Variants in PLCL2 observed in about 807,000 individuals in gnomAD.
PLCL2 encodes the protein inactive phospholipase C-like protein 2.
A neutral mutation model predicts 79.6 loss-of-function variants in PLCL2; 4 were observed. The observed-to-expected ratio is 0.05, with a 90% CI of 0.02 to 0.11. The LOEUF is 0.11. Among genes scored for constraint, PLCL2 ranks in the 10% least tolerant of loss-of-function variants. The pLI is 1.00. For synonymous variants in PLCL2, 484 were observed against 457.7 expected (o/e 1.06, Z -0.73); for missense variants, 895 against 1,291.0 (o/e 0.69, Z 4.70).
At chr3:16,961,900 G>A (rs1383608775) in intron 1 of PLCL2, among the ~76,000 whole-genome samples, 1 of 152,160 alleles carries the variant, frequency 6.6e-6, no homozygotes, top group Non-Finnish European at 1.5e-5. Flanking sequence ...CCCAACAGAG[G>A]AGCAACACCA....
Position 17,010,968 on chromosome 3 carries a change from A to G in PLCL2, c.1622A>G (p.Asp541Gly). 1.2e-6 allele frequency: 2 copies of G among 1,614,084 alleles called. No individual in the cohort carries two copies. Among genetic ancestry groups the G allele is most frequent in the Non-Finnish European group, 1.7e-6 (2 of 1,179,986 alleles). ...MVQHMKKLLGDKLYTTSPNVE... is the reference protein window; with the variant it reads ...MVQHMKKLLGGKLYTTSPNVE... ...CAGCACATGAAGAAACTTTTAGGAG[A>G]CAAGCTCTATACAACATCACCCAAT... Residue 541 changes from aspartate (D) to glycine (G), a missense_variant, in exon 2 of 6, where the codon GAC becomes GGC. Asp to Gly is a moderately conservative substitution (Grantham distance 94, BLOSUM62 -1). Around this residue, in one of 6 missense-constraint regions of PLCL2, gnomAD observed 242 missense variants for 399.5 expected, o/e 0.61. Transcript: ENST00000615277. The surrounding 1 kb of genome is among the most constrained non-coding windows in gnomAD (Gnocchi z 5.8).
chr3:17,071,533 C>T (rs1358418921), intron 5 of PLCL2, among the ~76,000 whole-genome samples: 1 of 152,004 alleles, frequency 6.6e-6, no homozygotes, highest in Non-Finnish European at 1.5e-5. Context: ...CAAGATTCTC[C>T]CTCTGAGAAA....
At chr3:17,017,310 C>T (rs1484276428) in intron 3 of PLCL2, among the ~76,000 whole-genome samples, 1 of 152,040 alleles carries the variant, frequency 6.6e-6, no homozygotes, top group African/African-American at 2.4e-5. Flanking sequence ...GCTGTGCAGC[C>T]TTATACTGCC....
intron 1 of PLCL2, among the ~76,000 whole-genome samples, chr3:16,944,291 A>G (rs2063581113): frequency 6.6e-6 from 1 of 152,184 alleles, no homozygotes; most frequent in African/African-American, 2.4e-5. Context: ...TAGGATTTCC[A>G]CTTCTAACGT....
intron 4 of PLCL2, among the ~76,000 whole-genome samples, chr3:17,050,451 A>G (rs1413912507): frequency 6.6e-6 from 1 of 152,230 alleles, no homozygotes; most frequent in South Asian, 2.1e-4. Flanking sequence ...CTGTAGGAAA[A>G]AAAGTCTAAT....
intron 3 of PLCL2, 148 bp from the exon 4 acceptor site, chr3:17,042,726 C>A: frequency 1.6e-6 from 1 of 621,372 alleles, no homozygotes. Flanking sequence ...TTTTCACATG[C>A]ACATTTGAAG....
chr3:16,970,008 A>T (rs527534653), intron 1 of PLCL2, among the ~76,000 whole-genome samples: 100 of 150,018 alleles, frequency 6.7e-4, no homozygotes, highest in Admixed American at 1.3e-3. Flanking sequence ...ATGTAATTGT[A>T]TAGCTTTGAA....
chr3:16,923,255 T>C (rs1445266939), intron 1 of PLCL2, among the ~76,000 whole-genome samples: 1 of 152,126 alleles, frequency 6.6e-6, no homozygotes, highest in Non-Finnish European at 1.5e-5. Context: ...CCTGGTGATT[T>C]GAGAGTGGAG....
intron 4 of PLCL2, 113 bp downstream of exon 4, chr3:17,043,062 A>T (rs935152152): frequency 9.7e-6 from 7 of 720,646 alleles, no homozygotes; most frequent in Non-Finnish European, 1.7e-5. Flanking sequence ...TAAGAAAATT[A>T]TTTTTCTATG....
intron 5 of PLCL2, among the ~76,000 whole-genome samples, chr3:17,086,678 C>A (rs2065223273): frequency 6.6e-6 from 1 of 152,174 alleles, no homozygotes; most frequent in South Asian, 2.1e-4. Flanking sequence ...TTGCAAAGGA[C>A]ACACCTGATA....
intron 4 of PLCL2, among the ~76,000 whole-genome samples, chr3:17,056,770 C>T (rs1043121912): frequency 1.3e-5 from 2 of 152,078 alleles, no homozygotes; most frequent in African/African-American, 4.8e-5. Flanking sequence ...TGGAAAGTTA[C>T]AGTAAAACAC....
intron 1 of PLCL2, among the ~76,000 whole-genome samples, chr3:16,997,281 C>T (rs956472734): frequency 1.3e-5 from 2 of 152,104 alleles, no homozygotes; most frequent in Non-Finnish European, 2.9e-5. Context: ...GACTGACCCA[C>T]ATAAAACAAT....
chr3:16,922,659 G>A (rs1559486411), intron 1 of PLCL2, among the ~76,000 whole-genome samples: 1 of 152,016 alleles, frequency 6.6e-6, no homozygotes, highest in Non-Finnish European at 1.5e-5. Context: ...AATTGGGAAT[G>A]AGCAAATGAA....
intron 1 of PLCL2, among the ~76,000 whole-genome samples, chr3:16,917,428 G>A (rs926190521): frequency 1.3e-5 from 2 of 152,168 alleles, no homozygotes; most frequent in African/African-American, 4.8e-5. Context: ...TGGGTTGACA[G>A]TTTGAACAGG....
At chr3:17,063,106 A>C (rs907521307) in intron 4 of PLCL2, among the ~76,000 whole-genome samples, 1 of 151,408 alleles carries the variant, frequency 6.6e-6, no homozygotes, top group Middle Eastern at 3.2e-3. Flanking sequence ...TATGCAGATG[A>C]TCATCACAAG....
intron 3 of PLCL2, 122 bp downstream of exon 3, chr3:17,015,033 T>C (rs1455130631): frequency 8.2e-6 from 6 of 730,748 alleles, no homozygotes; most frequent in Non-Finnish European, 1.4e-5. Flanking sequence ...CATTCACCTA[T>C]GCTGGAGAAG....
At chr3:17,008,226 A>G (rs917060457) in intron 1 of PLCL2, among the ~76,000 whole-genome samples, 1 of 151,052 alleles carries the variant, frequency 6.6e-6, no homozygotes, top group African/African-American at 2.4e-5. Flanking sequence ...AATAAATCCA[A>G]CTCTACGATT....
At position 17,071,780 on chromosome 3, in the gene PLCL2, A is replaced by G. The variant is rs200235443; in HGVS notation, c.3204+3715A>G. On this transcript the variant is annotated intron_variant, in intron 5 of 5. Transcript: ENST00000615277. ...AATACTGGCACATCTCACAAGCACT[A>G]ATGTCTCAGATATTATAAAATAAGT... Among the ~76,000 whole-genome samples, 19 of 152,258 alleles carry G rather than the reference A, an allele frequency of 1.2e-4. No individual in the cohort carries two copies. The East Asian group carries it at 3.1e-3, about 25-fold the overall frequency.
chr3:17,088,395 A>G (rs2065241782), intron 5 of PLCL2, among the ~76,000 whole-genome samples: 1 of 152,206 alleles, frequency 6.6e-6, no homozygotes, highest in Non-Finnish European at 1.5e-5. Context: ...GGAATCATAA[A>G]GAAAATAATA....
Sources: allele counts gnomAD v4.1 joint callset (sites outside exome capture counted in the v4.1 genomes callset), GRCh38; gene constraint gnomAD v4.1.1; regional missense constraint gnomAD v4.1.1; non-coding constraint Gnocchi (gnomAD v3.1); transcripts MANE v1.5; gene names NCBI Gene and HGNC (gene_info 2026-07-23, HGNC 2026-07-21).